The following REPS2 variants were observed in gnomAD, a reference collection of about 807,000 sequenced individuals.
REPS2 encodes RALBP1 associated Eps domain containing 2.
REPS2 carries 23 observed loss-of-function variants against 53.6 expected under a neutral mutation model. That is an observed-to-expected ratio of 0.43 (90% CI 0.31 to 0.61). The LOEUF is 0.61. Ranked by LOEUF, REPS2 falls within the 20% of genes least tolerant of loss-of-function variation. REPS2 has a pLI of 0.11. For synonymous variants in REPS2, 238 were observed against 218.6 expected (o/e 1.09, Z -0.78); for missense variants, 446 against 534.9 (o/e 0.83, Z 1.64).
In REPS2 at chrX:16,946,873, A is replaced by AGCGGCGGCG. The variant is rs1159423697; in HGVS notation, c.24_32dup (p.Ala15_Ala17dup). On this transcript the variant is annotated inframe_insertion, in exon 1 of 18. Transcript: ENST00000357277. ...CCCTTGCTGGCCCCATGGAGGCGGC[A>AGCGGCGGCG]GCGGCGGCGGCGGCGGCGGCAGCGG... is the stretch of plus-strand genomic sequence containing the variant. The AGCGGCGGCG allele has an allele frequency of 8.1e-6, 6 of 744,906 alleles. No individual in the cohort carries two copies. Among genetic ancestry groups the AGCGGCGGCG allele is most frequent in the Non-Finnish European group, 9.4e-6 (6 of 640,015 alleles). 61.4% of individuals were successfully genotyped at this position (744,906 alleles called of 1,213,427 possible). A position where few individuals can be genotyped will look rare whatever the true frequency, so the allele number is the denominator to read the frequency against.
At chrX:17,130,663 T>C (rs1672666010) in intron 14 of REPS2, among the ~76,000 whole-genome samples, 1 of 112,003 alleles carries the variant, frequency 8.9e-6, no homozygotes, top group African/African-American at 3.3e-5. Flanking sequence ...GTGCCAGTGC[T>C]AGCACAGGGC....
the REPS2 span, among the ~76,000 whole-genome samples, chrX:17,173,202 T>TG: frequency 2.6e-4 from 29 of 112,373 alleles, no homozygotes; most frequent in Admixed American, 2.7e-3. Context: ...CTTGATTCTC[T>TG]GCTCAGAGTC....
At chrX:16,996,183 T>A (rs971864111) in intron 1 of REPS2, among the ~76,000 whole-genome samples, 13 of 110,906 alleles carry the variant, frequency 1.2e-4, no homozygotes, top group Non-Finnish European at 2.1e-4. Context: ...GTGATGAGTA[T>A]CTAGATAGGG....
intron 17 of REPS2, 120 bp from the exon 18 acceptor site, chrX:17,147,293 A>T (rs955623488): frequency 3.8e-6 from 2 of 526,411 alleles, no homozygotes; most frequent in Non-Finnish European, 6.4e-6. Flanking sequence ...TTCTTGAGTT[A>T]TACAGCACTT....
At position 17,148,919 on chromosome X, in the gene REPS2, A is replaced by C. The variant is rs773089468; in HGVS notation, c.*1438A>C. 1.1e-5 allele frequency: 4 copies of C among 375,050 alleles called. No individual in the cohort carries two copies. The highest frequency in any genetic ancestry group is 2.1e-5 in the Non-Finnish European group (4 of 192,447). The allele number at this position is 375,050 out of a possible 1,213,427, so 30.9% of individuals were successfully genotyped here. A position where few individuals can be genotyped will look rare whatever the true frequency, so the allele number is the denominator to read the frequency against. ...GATAGGTTTGCAATATGTGGGATTC[A>C]GCCTTTGATTTCAATAGAGCTGAGA... On this transcript the variant is annotated 3_prime_UTR_variant, in exon 18 of 18. Transcript: ENST00000357277.
chrX:17,059,299 GTT>G (rs1238336117), intron 8 of REPS2, among the ~76,000 whole-genome samples: 2 of 77,957 alleles, frequency 2.6e-5, no homozygotes, highest in Non-Finnish European at 2.6e-5. Flanking sequence ...CCGGCCTAGT[GTT>G]TTTTTTTTTT....
intron 3 of REPS2, among the ~76,000 whole-genome samples, chrX:17,022,758 G>A (rs2061592297): frequency 8.9e-6 from 1 of 112,354 alleles, no homozygotes; most frequent in African/African-American, 3.2e-5. Context: ...GCCCTGAGAA[G>A]TTCTGCAGTG....
At chrX:17,025,578 A>G (rs1024644278) in intron 4 of REPS2, among the ~76,000 whole-genome samples, 44 of 112,355 alleles carry the variant, frequency 3.9e-4, no homozygotes, top group African/African-American at 1.4e-3. Context: ...TAAGAAATAT[A>G]ACTGCAAAAG....
chrX:17,105,030 CT>C lies in REPS2; in HGVS notation c.1578+1263del, dbSNP rs372539643. ...GTAGATACAGGTACTAATATTATCC[CT>C]TTTTTTTTTTTAACAGATAAGGAAG... On this transcript the variant is annotated intron_variant, in intron 14 of 17. Transcript: ENST00000357277. Among the ~76,000 whole-genome samples, 670 of 102,599 alleles carry C rather than the reference CT, an allele frequency of 6.5e-3. 5 individuals are homozygous for C. Among genetic ancestry groups the C allele is most frequent in the East Asian group, 0.046 (152 of 3,316 alleles). The allele number at this position is 102,599 out of a possible 115,157, so 89.1% of individuals were successfully genotyped here. A position where few individuals can be genotyped will look rare whatever the true frequency, so the allele number is the denominator to read the frequency against.
chrX:17,179,579 C>T, the REPS2 span, among the ~76,000 whole-genome samples: 2 of 111,890 alleles, frequency 1.8e-5, no homozygotes, highest in Admixed American at 1.9e-4. Context: ...AGAGATGATC[C>T]ATCCCTGCTG....
chrX:16,982,108 G>T (rs1027112622), intron 1 of REPS2, among the ~76,000 whole-genome samples: 10 of 111,609 alleles, frequency 9.0e-5, no homozygotes, highest in Admixed American at 2.9e-4. Flanking sequence ...TTAGCATAAT[G>T]TTTTTTAAGG....
At chrX:17,027,622 G>A (rs1448123529) in intron 4 of REPS2, among the ~76,000 whole-genome samples, 2 of 104,434 alleles carry the variant, frequency 1.9e-5, no homozygotes, top group African/African-American at 7.0e-5. Flanking sequence ...AAAGAGTTCT[G>A]GTTTGACACT....
intron 14 of REPS2, among the ~76,000 whole-genome samples, chrX:17,105,152 C>T (rs1225964000): frequency 3.6e-5 from 4 of 110,887 alleles, no homozygotes; most frequent in Non-Finnish European, 5.7e-5. Flanking sequence ...CTAAAGGCTC[C>T]TCCTGTCACC....
chrX:17,093,849 A>G (rs769532827), intron 13 of REPS2, among the ~76,000 whole-genome samples: 1 of 110,791 alleles, frequency 9.0e-6, no homozygotes, highest in East Asian at 2.8e-4. Context: ...TTTTCAAAGT[A>G]CTTGCCCTTG....
intron 6 of REPS2, among the ~76,000 whole-genome samples, chrX:17,047,809 C>T (rs1438906877): frequency 8.9e-6 from 1 of 112,738 alleles, no homozygotes; most frequent in Admixed American, 9.4e-5. Context: ...TATTAGAGCT[C>T]GGGCAAGGAC....
chrX:17,054,224 A>G (rs1392281379), intron 7 of REPS2, among the ~76,000 whole-genome samples: 7 of 112,630 alleles, frequency 6.2e-5, no homozygotes, highest in African/African-American at 2.3e-4. Flanking sequence ...CTAAAACATA[A>G]TTCATTCCAT....
intron 1 of REPS2, among the ~76,000 whole-genome samples, chrX:16,956,923 A>G (rs1005326037): frequency 4.4e-5 from 5 of 112,543 alleles, no homozygotes; most frequent in African/African-American, 1.6e-4. Context: ...ACCATTCAGA[A>G]CCAGGAGAGG....
chrX:17,077,242 G>C, intron 12 of REPS2, 29 bp from the exon 13 acceptor site: 2 of 1,143,070 alleles, frequency 1.7e-6, no homozygotes, highest in Non-Finnish European at 2.3e-6. Flanking sequence ...TTGCTATTTC[G>C]CTTCTGACCT....
intron 1 of REPS2, among the ~76,000 whole-genome samples, chrX:16,971,851 T>A (rs1014885030): frequency 2.7e-5 from 3 of 112,611 alleles, no homozygotes; most frequent in Non-Finnish European, 5.6e-5. Context: ...AGGGCTTATG[T>A]CTAGACTGTG....
Sources: gnomAD v4.1 joint callset for allele counts (sites outside exome capture counted in the v4.1 genomes callset) on GRCh38, gnomAD v4.1.1 for gene constraint, MANE v1.5 for transcripts, NCBI Gene and HGNC (gene_info 2026-07-23, HGNC 2026-07-21) for gene names.